Variants in SLC26A5 observed in about 807,000 individuals in gnomAD.
SLC26A5 encodes prestin.
In SLC26A5, 51 loss-of-function variants were observed where a neutral mutation model predicts 81.0. The observed-to-expected ratio is 0.63, with a 90% confidence interval of 0.50 to 0.80. The LOEUF (loss-of-function observed/expected upper bound fraction) is 0.80, where lower values mean the gene tolerates loss of function less well. Among genes scored for constraint, SLC26A5 ranks in the 30% least tolerant of loss-of-function variants. The pLI is 0.00. For missense variants in SLC26A5, 771 were observed against 905.8 expected, an observed-to-expected ratio of 0.85 and a Z score of 1.91; for synonymous variants, 325 against 332.8, an observed-to-expected ratio of 0.98 and a Z score of 0.25.
intron 19 of SLC26A5, chr7:103,364,456 T>C: frequency 1.2e-6 from 1 of 834,176 alleles, no homozygotes; most frequent in Non-Finnish European, 1.8e-6. Context: ...TTGCCCAGGC[T>C]GGAGTGCAGT....
intron 2 of SLC26A5, among the ~76,000 whole-genome samples, chr7:103,441,741 C>T (rs148888372): frequency 5.3e-5 from 8 of 152,286 alleles, no homozygotes; most frequent in African/African-American, 1.2e-4. Context: ...AGCTGATCAT[C>T]CTGGATAGGC....
rs1158580229 is a variant in SLC26A5, at chr7:103,397,916, A to C, written c.971+16T>G. 2 of 1,600,338 alleles carry C rather than the reference A, an allele frequency of 1.2e-6. No individual in the cohort carries two copies. The highest frequency in any genetic ancestry group is 3.3e-5 in the Admixed American group (2 of 60,006). On this transcript the variant is annotated intron_variant, in intron 9 of 19. Coordinates refer to ENST00000306312, the MANE Select transcript of SLC26A5 (RefSeq NM_198999.3). ...GATTATTTCAGTCACACAGTTACTT[A>C]AAACCACTTTCCTACCCTAGAGGAA...
chr7:103,422,258 T>C (rs990022727), intron 2 of SLC26A5, among the ~76,000 whole-genome samples: 1 of 152,076 alleles, frequency 6.6e-6, no homozygotes, highest in Non-Finnish European at 1.5e-5. Flanking sequence ...GCATATGGAG[T>C]TGTGTACAAG....
chr7:103,434,687 T>C (rs1016751155), intron 2 of SLC26A5, among the ~76,000 whole-genome samples: 1 of 152,154 alleles, frequency 6.6e-6, no homozygotes, highest in Admixed American at 6.5e-5. Context: ...AGTCTCACTC[T>C]ATTGCCCAGG....
intron 2 of SLC26A5, among the ~76,000 whole-genome samples, chr7:103,439,781 G>A (rs1380831828): frequency 2.0e-5 from 3 of 152,234 alleles, no homozygotes; most frequent in South Asian, 2.1e-4. Flanking sequence ...CGATCTGCCC[G>A]CTTTGGCCTC....
chr7:103,395,972 T>A (rs1293731124), intron 9 of SLC26A5, among the ~76,000 whole-genome samples: 1 of 152,208 alleles, frequency 6.6e-6, no homozygotes, highest in African/African-American at 2.4e-5. Context: ...CTTCAGGTGT[T>A]CACTCATTGC....
At chr7:103,383,117 T>C (rs889679192) in intron 14 of SLC26A5, among the ~76,000 whole-genome samples, 1 of 152,190 alleles carries the variant, frequency 6.6e-6, no homozygotes, top group African/African-American at 2.4e-5. Context: ...TCTAGTGATA[T>C]CTGTGGACAA....
rs1156515401 is a variant in SLC26A5 at position 103,367,745 on chromosome 7, T to G, written c.2041+9063A>C. 1 of 1,614,070 alleles carries G rather than the reference T, an allele frequency of 6.2e-7. No homozygotes were observed. The highest frequency in any genetic ancestry group is 8.5e-7 in the Non-Finnish European group (1 of 1,179,968). On this transcript the variant is annotated intron_variant, in intron 19 of 19. Transcript: ENST00000339444. The surrounding 1 kb of genome is among the most constrained non-coding windows in gnomAD (Gnocchi z 6.1). ...CCCACATATTTAAGATTCACGCTCGTTCAATGAGTGTTGAAAGAGATATCA... is the reference window on the plus strand; with the variant it reads ...CCCACATATTTAAGATTCACGCTCGGTCAATGAGTGTTGAAAGAGATATCA...
At chr7:103,381,540 C>T (rs758350181) in intron 14 of SLC26A5, among the ~76,000 whole-genome samples, 1 of 148,354 alleles carries the variant, frequency 6.7e-6, no homozygotes, top group Non-Finnish European at 1.5e-5. Flanking sequence ...TACACACATA[C>T]CATATACCTC....
intron 8 of SLC26A5, among the ~76,000 whole-genome samples, chr7:103,407,488 C>A (rs1196275306): frequency 6.6e-6 from 1 of 152,050 alleles, no homozygotes; most frequent in African/African-American, 2.4e-5. Context: ...GTTTGGGAAC[C>A]TTTGCTTTGT....
chr7:103,443,131 C>T lies in SLC26A5; in HGVS notation c.-102G>A, dbSNP rs1057257897. The T allele has an allele frequency of 2.0e-5, 3 of 152,258 alleles. 1 individual carries two copies. Among genetic ancestry groups the T allele is most frequent in the South Asian group, 4.1e-4 (2 of 4,830 alleles). 9.4% of individuals were successfully genotyped at this position (152,258 alleles called of 1,614,324 possible). A position where few individuals can be genotyped will look rare whatever the true frequency, so the allele number is the denominator to read the frequency against. On this transcript the variant is annotated 5_prime_UTR_variant, in exon 2 of 20. Transcript: ENST00000306312. Reference sequence around the variant, plus strand: ...AGTCGGGACAGGGGACAAGATCCCCCGCTGGGAGCTCCAGTGCAGTTCACT... The same window carrying T: ...AGTCGGGACAGGGGACAAGATCCCCTGCTGGGAGCTCCAGTGCAGTTCACT...
chr7:103,415,065 A>G (rs1208381378), intron 4 of SLC26A5, among the ~76,000 whole-genome samples: 3 of 152,156 alleles, frequency 2.0e-5, no homozygotes, highest in Non-Finnish European at 4.4e-5. Flanking sequence ...AGCCCTTTTT[A>G]TTCTCAGCTT....
At chr7:103,393,921 A>G (rs1671277034) in intron 9 of SLC26A5, among the ~76,000 whole-genome samples, 1 of 152,142 alleles carries the variant, frequency 6.6e-6, no homozygotes, top group Admixed American at 6.5e-5. Context: ...AATAACAAGC[A>G]TTTATTATAT....
At chr7:103,441,823 C>A (rs1826900925) in intron 2 of SLC26A5, among the ~76,000 whole-genome samples, 1 of 152,172 alleles carries the variant, frequency 6.6e-6, no homozygotes, top group African/African-American at 2.4e-5. Context: ...GTGGGAATAT[C>A]AAAAAGGTGA....
intron 9 of SLC26A5, among the ~76,000 whole-genome samples, chr7:103,394,302 C>T (rs181948464): frequency 1.3e-5 from 2 of 152,222 alleles, no homozygotes. Context: ...TACTATTATC[C>T]CAATTTGTAG....
At position 103,361,463 on chromosome 7, in the gene SLC26A5, TCA is replaced by T. The variant is rs1820402052; in HGVS notation, c.2042-8539_2042-8538del. On this transcript the variant is annotated intron_variant, in intron 19 of 19. Transcript: ENST00000339444. ...AGGTGGAGGTTGCAGTGAGCCAAGA[TCA>T]CACCATTGTGTTTCAGCCTGGGCAA... Among the ~76,000 whole-genome samples the T allele has an allele frequency of 5.6e-5, 7 of 124,452 alleles. No individual in the cohort carries two copies. The South Asian group carries it at 1.8e-3, about 32-fold the overall frequency. The allele number at this position is 124,452 out of a possible 152,430, so 81.6% of individuals were successfully genotyped here.
At chr7:103,405,795 G>T (rs1055845950) in intron 8 of SLC26A5, among the ~76,000 whole-genome samples, 2 of 152,180 alleles carry the variant, frequency 1.3e-5, no homozygotes, top group African/African-American at 4.8e-5. Context: ...CCTTCCCCCA[G>T]GTTCTCTGTC....
chr7:103,442,604 C>T (rs961760693), intron 2 of SLC26A5, among the ~76,000 whole-genome samples: 1 of 152,156 alleles, frequency 6.6e-6, no homozygotes, highest in Non-Finnish European at 1.5e-5. Context: ...CCAGGCAATG[C>T]AAATGCAATG....
chr7:103,388,757 C>G, intron 14 of SLC26A5: 2 of 421,374 alleles, frequency 4.7e-6, no homozygotes, highest in Non-Finnish European at 9.1e-6. Flanking sequence ...AAATTAGGCT[C>G]TTTTAACATA....
Sources: allele counts gnomAD v4.1 joint callset (sites outside exome capture counted in the v4.1 genomes callset), GRCh38; gene constraint gnomAD v4.1.1; non-coding constraint Gnocchi (gnomAD v3.1); transcripts MANE v1.5; gene names NCBI Gene and HGNC (gene_info 2026-07-23, HGNC 2026-07-21).